Variants in DENND6A observed in about 807,000 individuals in gnomAD.
DENND6A encodes the protein protein DENND6A.
Under a neutral mutation model 95.5 loss-of-function variants are expected in DENND6A, and 43 were observed. The ratio of observed to expected loss-of-function variants is 0.45; its 90% CI spans 0.35 to 0.58. The LOEUF (loss-of-function observed/expected upper bound fraction) is 0.58. Among genes scored for constraint, DENND6A ranks in the 20% least tolerant of loss-of-function variants. The pLI is 0.00. For synonymous variants in DENND6A, 257 were observed against 260.4 expected, an observed-to-expected ratio of 0.99 and a Z score of 0.13; for missense variants, 574 against 736.0, an observed-to-expected ratio of 0.78 and a Z score of 2.55.
At position 57,666,199 on chromosome 3, in the gene DENND6A, C is replaced by T. The variant is rs775020388; in HGVS notation, c.356G>A (p.Arg119Gln). The change falls in exon 4 of 20, where the codon CGA becomes CAA. Residue 119 changes from arginine to glutamine, a missense_variant. Transcript: ENST00000311128. ...LGDTQFCFRFRQSSGRRVSLH... is the reference protein window; with the variant it reads ...LGDTQFCFRFQQSSGRRVSLH... Reference sequence around the variant, plus strand: ...CGACACCCTCCTCCCAGAAGACTGTCGAAATCTAAAACAAAACTGGGTATC... The same window carrying T: ...CGACACCCTCCTCCCAGAAGACTGTTGAAATCTAAAACAAAACTGGGTATC... The T allele has an allele frequency of 5.6e-6, 9 of 1,613,302 alleles. No individual in the cohort carries two copies. The highest frequency in any genetic ancestry group is 1.6e-4 in the Middle Eastern group (1 of 6,080).
intron 18 of DENND6A, 130 bp downstream of exon 18, chr3:57,630,291 T>C (rs1397429239): frequency 1.4e-6 from 1 of 739,108 alleles, no homozygotes; most frequent in Non-Finnish European, 2.1e-6. Context: ...ACATAGCACA[T>C]GATCTAGAAA....
intron 9 of DENND6A, among the ~76,000 whole-genome samples, chr3:57,656,603 T>C (rs2071332051): frequency 6.6e-6 from 1 of 152,142 alleles, no homozygotes; most frequent in South Asian, 2.1e-4. Context: ...TCTTTTTTTT[T>C]TTTAAACTAA....
intron 1 of DENND6A, among the ~76,000 whole-genome samples, chr3:57,690,097 C>A (rs1298267062): frequency 6.6e-6 from 1 of 150,712 alleles, no homozygotes; most frequent in African/African-American, 2.4e-5. Context: ...GTAATCCCAG[C>A]ACTTTGGGAG....
intron 3 of DENND6A, among the ~76,000 whole-genome samples, chr3:57,668,644 T>A (rs1485021217): frequency 6.6e-6 from 1 of 152,004 alleles, no homozygotes; most frequent in East Asian, 1.9e-4. Flanking sequence ...GTCAGGAGAA[T>A]CTAAGGTGGC....
At chr3:57,689,970 G>A (rs1266797164) in intron 1 of DENND6A, among the ~76,000 whole-genome samples, 2 of 151,382 alleles carry the variant, frequency 1.3e-5, no homozygotes, top group South Asian at 2.1e-4. Flanking sequence ...AGGATCCCTC[G>A]AGTTTAGGAG....
intron 9 of DENND6A, among the ~76,000 whole-genome samples, chr3:57,652,214 G>GTCATACGGGACACTGTGGCT (rs2071224802): frequency 6.6e-6 from 1 of 152,198 alleles, no homozygotes; most frequent in Admixed American, 6.5e-5. Context: ...TGAAGGCTGA[G>GTCATACGGGACACTGTGGCT]TCATACGGGA....
chr3:57,688,729 A>C (rs1470225567), intron 1 of DENND6A, among the ~76,000 whole-genome samples: 1 of 151,948 alleles, frequency 6.6e-6, no homozygotes, highest in African/African-American at 2.4e-5. Flanking sequence ...GGGCTTTCCA[A>C]ATCCCACAGG....
intron 1 of DENND6A, among the ~76,000 whole-genome samples, chr3:57,689,881 T>C (rs142526163): frequency 3.2e-4 from 49 of 151,508 alleles, no homozygotes; most frequent in Middle Eastern, 3.4e-3. Context: ...CTGGGCAACA[T>C]AGCAAGACCC....
intron 5 of DENND6A, 145 bp downstream of exon 5, chr3:57,663,487 AATAT>A (rs1553742674): frequency 4.4e-4 from 40 of 91,950 alleles, no homozygotes; most frequent in African/African-American, 3.1e-3. Context: ...AAAAAAAAAA[AATAT>A]ATATATACAC....
chr3:57,629,994 A>G (rs566483710), intron 18 of DENND6A, among the ~76,000 whole-genome samples: 2 of 152,256 alleles, frequency 1.3e-5, no homozygotes, highest in South Asian at 2.1e-4. Context: ...GCATTTGCCA[A>G]TTTCTGTGGT....
chr3:57,672,515 G>A lies in DENND6A; in HGVS notation c.238-77C>T, dbSNP rs2071635732. On this transcript the variant is annotated intron_variant, in intron 1 of 19. Coordinates refer to ENST00000311128, the MANE Select transcript of DENND6A (RefSeq NM_152678.3). The stretch of plus-strand genomic sequence containing the variant: ...AACATATTATAGGCCAGGCACGGTG[G>A]CTCACGCTGGTAATCCCAGCACTTT... The A allele has an allele frequency of 6.3e-6, 9 of 1,439,060 alleles. No homozygotes were observed. The South Asian group carries it at 9.6e-5, about 15-fold the overall frequency. The allele number at this position is 1,439,060 out of a possible 1,614,324, so 89.1% of individuals were successfully genotyped here. A position where few individuals can be genotyped will look rare whatever the true frequency, so the allele number is the denominator to read the frequency against.
At chr3:57,676,846 C>T (rs1331857557) in intron 1 of DENND6A, among the ~76,000 whole-genome samples, 1 of 151,748 alleles carries the variant, frequency 6.6e-6, no homozygotes, top group East Asian at 1.9e-4. Flanking sequence ...TTTTTTGAGA[C>T]AGAGTCTCGC....
At chr3:57,653,982 C>T in intron 9 of DENND6A, among the ~76,000 whole-genome samples, 1 of 121,764 alleles carries the variant, frequency 8.2e-6, no homozygotes, top group Admixed American at 9.6e-5. Flanking sequence ...GAGTCTCACT[C>T]TGTCACCCAG....
At chr3:57,632,496 C>T (rs1194906069) in intron 15 of DENND6A, among the ~76,000 whole-genome samples, 1 of 152,032 alleles carries the variant, frequency 6.6e-6, no homozygotes, top group East Asian at 1.9e-4. Flanking sequence ...CTCATAAGCA[C>T]TACAGTAAAG....
rs1376897769 is a variant in DENND6A, at chr3:57,665,940, G to A, written c.432+183C>T. The A allele has an allele frequency of 5.7e-6, 3 of 524,474 alleles. No homozygotes were observed. In the African/African-American group the frequency reaches 5.8e-5, roughly 10 times the overall value. The allele number at this position is 524,474 out of a possible 1,614,324, so 32.5% of individuals were successfully genotyped here. The stretch of plus-strand genomic sequence containing the variant: ...ACATTATGTTTCAAACATAGTAACT[G>A]TATAAAGTCCCTTTCATTCAGATGC... On this transcript the variant is annotated intron_variant, in intron 4 of 19. Transcript: ENST00000311128.
At chr3:57,636,553 G>A (rs34524657) in intron 12 of DENND6A, among the ~76,000 whole-genome samples, 3,531 of 152,192 alleles carry the variant, frequency 0.023, 65 homozygotes, top group Middle Eastern at 0.044. Flanking sequence ...AAGATACTAC[G>A]GAGACACAGA....
chr3:57,668,513 A>G (rs1228151353), intron 3 of DENND6A, among the ~76,000 whole-genome samples: 2 of 152,250 alleles, frequency 1.3e-5, no homozygotes, highest in African/African-American at 2.4e-5. Flanking sequence ...GGAAAAAAAC[A>G]CTGGACAAAT....
intron 1 of DENND6A, among the ~76,000 whole-genome samples, chr3:57,682,364 T>G (rs557104550): frequency 6.6e-6 from 1 of 151,776 alleles, no homozygotes; most frequent in Non-Finnish European, 1.5e-5. Flanking sequence ...CCTTAAGATC[T>G]TGAAGATCAT....
chr3:57,690,717 A>T (rs2077256469), intron 1 of DENND6A, among the ~76,000 whole-genome samples: 1 of 151,886 alleles, frequency 6.6e-6, no homozygotes, highest in East Asian at 1.9e-4. Context: ...GAAGGGGAAG[A>T]AGGCAGTTTG....
Sources: allele counts gnomAD v4.1 joint callset (sites outside exome capture counted in the v4.1 genomes callset), GRCh38; gene constraint gnomAD v4.1.1; transcripts MANE v1.5; gene names NCBI Gene and HGNC (gene_info 2026-07-23, HGNC 2026-07-21).